The following DNAJC12 variants were observed in gnomAD, a reference collection of about 807,000 sequenced individuals.
DNAJC12 encodes the protein DnaJ heat shock protein family (Hsp40) member C12, also known as dnaJ homolog subfamily C member 12.
In DNAJC12, 25 loss-of-function variants were observed where a neutral mutation model predicts 28.5. The observed-to-expected ratio is 0.88, with a 90% CI of 0.64 to 1.22. The LOEUF (loss-of-function observed/expected upper bound fraction) is 1.22. Ranked by LOEUF, DNAJC12 falls within the 50% of genes most tolerant of loss-of-function variation. The pLI, the probability that DNAJC12 is intolerant of heterozygous loss-of-function variation, is 0.00. For missense variants in DNAJC12, 222 were observed against 231.7 expected, an observed-to-expected ratio of 0.96 and a Z score of 0.27; for synonymous variants, 77 against 80.6, an observed-to-expected ratio of 0.95 and a Z score of 0.24.
chr10:67,811,690 C>T, intron 2 of DNAJC12, 27 bp from the exon 3 acceptor site: 1 of 1,605,126 alleles, frequency 6.2e-7, no homozygotes, highest in South Asian at 1.1e-5. Flanking sequence ...GAAATGAGCA[C>T]TTCTCTCTCG....
intron 4 of DNAJC12, among the ~76,000 whole-genome samples, chr10:67,799,651 G>A (rs10997813): frequency 0.83 from 126,798 of 152,086 alleles, 53,204 homozygotes; most frequent in Non-Finnish European, 0.89. Context: ...TTGGGAGGCC[G>A]AGGCGGGCAG....
At chr10:67,825,092 A>G (rs7087595) in intron 1 of DNAJC12, among the ~76,000 whole-genome samples, 108,628 of 152,006 alleles carry the variant, frequency 0.71, 39,775 homozygotes, top group Non-Finnish European at 0.8. Flanking sequence ...ATTACATAAC[A>G]TCCATGTGTC....
intron 1 of DNAJC12, among the ~76,000 whole-genome samples, chr10:67,828,303 C>G (rs988118214): frequency 2.0e-5 from 3 of 152,102 alleles, no homozygotes; most frequent in Non-Finnish European, 4.4e-5. Flanking sequence ...GTGTATCTAT[C>G]TCTCTATATA....
intron 4 of DNAJC12, among the ~76,000 whole-genome samples, chr10:67,800,272 A>T (rs951905951): frequency 2.6e-5 from 4 of 151,374 alleles, no homozygotes; most frequent in African/African-American, 9.7e-5. Context: ...CTAATTTGGG[A>T]GGTAATCCCA....
At chr10:67,837,823 G>T in intron 1 of DNAJC12, 111 bp downstream of exon 1, 1 of 724,334 alleles carries the variant, frequency 1.4e-6, no homozygotes. Context: ...CACAAGGTTA[G>T]GTTTGTAGGC....
chr10:67,832,201 G>T (rs984660530), intron 1 of DNAJC12, among the ~76,000 whole-genome samples: 7 of 150,138 alleles, frequency 4.7e-5, no homozygotes, highest in Non-Finnish European at 8.8e-5. Context: ...GGAGGCGAAG[G>T]TTGCAGTGAG....
chr10:67,802,835 G>C (rs1841759827), intron 4 of DNAJC12, among the ~76,000 whole-genome samples: 1 of 137,546 alleles, frequency 7.3e-6, no homozygotes, highest in African/African-American at 3.1e-5. Context: ...TTAAGTTATT[G>C]TGCGTGTGTG....
chr10:67,817,739 GT>G (rs1841930293), intron 2 of DNAJC12, among the ~76,000 whole-genome samples: 1 of 150,510 alleles, frequency 6.6e-6, no homozygotes, highest in South Asian at 2.1e-4. Context: ...TCAGCTGGGC[GT>G]GGTGGCACAC....
intron 2 of DNAJC12, among the ~76,000 whole-genome samples, chr10:67,814,494 A>G (rs1841894703): frequency 6.6e-6 from 1 of 152,322 alleles, no homozygotes; most frequent in East Asian, 1.9e-4. Flanking sequence ...ACAAGCAACA[A>G]AAGAAGAAAT....
intron 1 of DNAJC12, among the ~76,000 whole-genome samples, chr10:67,829,409 G>T (rs1324025064): frequency 6.6e-6 from 1 of 152,182 alleles, no homozygotes; most frequent in African/African-American, 2.4e-5. Context: ...GGGAGGCCGA[G>T]GCGGGTGGAT....
At chr10:67,828,559 G>A (rs1842059862) in intron 1 of DNAJC12, among the ~76,000 whole-genome samples, 1 of 152,042 alleles carries the variant, frequency 6.6e-6, no homozygotes, top group South Asian at 2.1e-4. Flanking sequence ...CTTCCTGGGT[G>A]CTGTCTTTAA....
intron 1 of DNAJC12, among the ~76,000 whole-genome samples, chr10:67,836,973 T>C (rs1181741773): frequency 6.7e-6 from 1 of 150,100 alleles, no homozygotes; most frequent in Admixed American, 6.6e-5. Context: ...AATTTAATAA[T>C]GAATATATTT....
intron 1 of DNAJC12, chr10:67,827,622 G>A (rs1460358868): frequency 1.3e-5 from 2 of 152,076 alleles, no homozygotes; most frequent in African/African-American, 4.9e-5. Context: ...GGAGGCAGAG[G>A]TTGCAGTGAG....
At position 67,814,141 on chromosome 10, in the gene DNAJC12, G is replaced by T. The variant is rs532109909; in HGVS notation, c.158-2478C>A. Among the ~76,000 whole-genome samples the T allele has an allele frequency of 2.0e-5, 3 of 152,026 alleles. No homozygotes were observed. The South Asian group carries it at 6.2e-4, about 32-fold the overall frequency. ...AAGCTACAGTAGTGAAAACAGTGTGGTACTAACATAAGGATAGACATACTT... is the reference window on the plus strand; with the variant it reads ...AAGCTACAGTAGTGAAAACAGTGTGTTACTAACATAAGGATAGACATACTT... On this transcript the variant is annotated intron_variant, in intron 2 of 4. Transcript: ENST00000225171.
In DNAJC12 at chr10:67,823,363, G is replaced by T; in HGVS notation, c.108C>A (p.Val36=). ...TGTCTGGGTGACATTCCAGAGCTCT[G>T]ACTTTAAATTCTGCCAGGATTTGTT... ...SVEQILAEFK[V]RALECHPDKH... The change falls in exon 2 of 5, where the codon GTC becomes GTA. Residue 36 remains valine, a synonymous_variant. Coordinates refer to ENST00000225171, the MANE Select transcript of DNAJC12 (RefSeq NM_021800.3). 1 of 1,614,026 alleles carries T rather than the reference G, an allele frequency of 6.2e-7. No individual in the cohort carries two copies. The highest frequency in any genetic ancestry group is 1.1e-5 in the South Asian group (1 of 91,058).
At chr10:67,827,061 C>T (rs2131811714) in intron 1 of DNAJC12, among the ~76,000 whole-genome samples, 1 of 150,624 alleles carries the variant, frequency 6.6e-6, no homozygotes, top group South Asian at 2.1e-4. Context: ...TTTATCGTTG[C>T]TGTTGTTTTA....
At chr10:67,830,947 G>A (rs545829462) in intron 1 of DNAJC12, among the ~76,000 whole-genome samples, 4 of 152,260 alleles carry the variant, frequency 2.6e-5, no homozygotes, top group African/African-American at 4.8e-5. Flanking sequence ...CCAGCACTTT[G>A]GGAGGCCAAG....
intron 1 of DNAJC12, among the ~76,000 whole-genome samples, chr10:67,823,975 C>T (rs1056754010): frequency 8.5e-5 from 13 of 152,128 alleles, no homozygotes; most frequent in African/African-American, 2.9e-4. Context: ...TGGTGGCTCA[C>T]GCCTGTAATC....
At chr10:67,833,656 C>T (rs757672513) in intron 1 of DNAJC12, 58 of 268,728 alleles carry the variant, frequency 2.2e-4, no homozygotes, top group Non-Finnish European at 4.0e-4. Context: ...TTTGTGCTTG[C>T]GATCGGTGGC....
Sources: allele counts gnomAD v4.1 joint callset (sites outside exome capture counted in the v4.1 genomes callset), GRCh38; gene constraint gnomAD v4.1.1; transcripts MANE v1.5; gene names NCBI Gene and HGNC (gene_info 2026-07-23, HGNC 2026-07-21).